DRC1: variants seen among roughly 807,000 people sequenced by gnomAD.
The protein encoded by DRC1 is dynein regulatory complex protein 1.
Under a neutral mutation model 98.7 loss-of-function variants are expected in DRC1, and 74 were observed. That is an observed-to-expected ratio of 0.75 (90% CI 0.62 to 0.91). The LOEUF (loss-of-function observed/expected upper bound fraction) is 0.91. Among genes scored for constraint, DRC1 ranks in the 40% least tolerant of loss-of-function variants. DRC1 has a pLI of 0.00. For synonymous variants in DRC1, 336 were observed against 334.1 expected, an observed-to-expected ratio of 1.01 and a Z score of -0.06; for missense variants, 875 against 886.0, an observed-to-expected ratio of 0.99 and a Z score of 0.16.
chr2:26,455,795 T>C (rs1008563468), intron 16 of DRC1, among the ~76,000 whole-genome samples: 2 of 152,202 alleles, frequency 1.3e-5, no homozygotes, highest in Non-Finnish European at 2.9e-5. Flanking sequence ...TGCCCAACCC[T>C]GCAATAGTTG....
intron 3 of DRC1, among the ~76,000 whole-genome samples, chr2:26,423,336 G>T (rs183210248): frequency 6.6e-6 from 1 of 152,248 alleles, no homozygotes; most frequent in East Asian, 1.9e-4. Context: ...AGGTGGGGTG[G>T]GTGGGGGATG....
chr2:26,445,523 T>C (rs926909358), intron 10 of DRC1, among the ~76,000 whole-genome samples: 2 of 152,194 alleles, frequency 1.3e-5, no homozygotes, highest in African/African-American at 4.8e-5. Context: ...AATGCATGAG[T>C]TTAAACAAAT....
chr2:26,405,907 G>A (rs1334577083), intron 1 of DRC1, among the ~76,000 whole-genome samples: 1 of 151,996 alleles, frequency 6.6e-6, no homozygotes, highest in Admixed American at 6.6e-5. Context: ...CAATCCACCT[G>A]CCTCAGCCTC....
intron 4 of DRC1, among the ~76,000 whole-genome samples, chr2:26,428,614 C>T (rs555877383): frequency 3.9e-5 from 6 of 152,088 alleles, no homozygotes; most frequent in East Asian, 3.9e-4. Context: ...CTGGCTAACA[C>T]GGTGAAACCC....
chr2:26,443,401 C>G (rs1663767496), intron 8 of DRC1, among the ~76,000 whole-genome samples: 1 of 152,188 alleles, frequency 6.6e-6, no homozygotes, highest in East Asian at 1.9e-4. Flanking sequence ...CTGTGCCGTG[C>G]CTGGATTCAC....
intron 6 of DRC1, 42 bp downstream of exon 6, chr2:26,430,914 G>A (rs1284094840): frequency 2.0e-6 from 3 of 1,506,584 alleles, no homozygotes; most frequent in African/African-American, 2.8e-5. Context: ...TGGGGTCTGG[G>A]TGATTTTTAT....
At chr2:26,418,717 TATATAAATTATATTTAATTTA>T (rs1678935608) in intron 2 of DRC1, among the ~76,000 whole-genome samples, 1 of 99,110 alleles carries the variant, frequency 1.0e-5, no homozygotes, top group African/African-American at 4.2e-5. Flanking sequence ...ATTTATATAA[TATATAAATTATATTTAATTTA>T]TATATAATAT....
intron 8 of DRC1, 152 bp downstream of exon 8, chr2:26,440,669 C>T (rs901475413): frequency 1.9e-5 from 20 of 1,049,974 alleles, no homozygotes; most frequent in Non-Finnish European, 5.1e-6. Context: ...TACATTCAAT[C>T]TCTCCCCAAG....
rs566355846 is a variant in DRC1, at chr2:26,419,184, C to T, written c.244-2104C>T. 6.6e-5 allele frequency among the ~76,000 whole-genome samples: 10 copies of T among 152,034 alleles called. No individual in the cohort carries two copies. In the South Asian group the frequency reaches 1.7e-3, roughly 25 times the overall value. On this transcript the variant is annotated intron_variant, in intron 2 of 16. Transcript: ENST00000288710. ...GATTACAGGTGTGAGCCACCATGCC[C>T]GGCTGAATGTTTTATTTAACAATTT...
rs1409005878 is a variant in DRC1 at position 26,429,685 on chromosome 2, A to G, written c.598A>G (p.Ile200Val). The G allele has an allele frequency of 1.2e-6, 2 of 1,614,106 alleles. No individual in the cohort carries two copies. The highest frequency in any genetic ancestry group is 1.7e-6 in the Non-Finnish European group (2 of 1,180,050). Residue 200 changes from isoleucine to valine, a missense_variant, in exon 5 of 17, where the codon ATC becomes GTC. Transcript: ENST00000288710. ...GGATTTGAAGAAACAGTCAGATGAC[A>G]TCTGCCTGCTTCTGGAGCGGATGGA... The part of the protein sequence containing the change: ...VKDLKKQSDD[I>V]CLLLERMEEQ...
intron 2 of DRC1, among the ~76,000 whole-genome samples, chr2:26,415,935 CAAAAAAA>C (rs59566642): frequency 1.0e-4 from 10 of 98,372 alleles, no homozygotes; most frequent in East Asian, 6.4e-4. Flanking sequence ...CTTTCTCTTT[CAAAAAAA>C]AAAAAAAAAA....
intron 4 of DRC1, 123 bp from the exon 5 acceptor site, chr2:26,429,505 C>A: frequency 7.6e-7 from 1 of 1,312,324 alleles, no homozygotes; most frequent in Non-Finnish European, 1.0e-6. Context: ...TGTGCGCAGC[C>A]CTCTTTGTAC....
intron 2 of DRC1, among the ~76,000 whole-genome samples, chr2:26,416,435 C>T (rs902082469): frequency 6.6e-6 from 1 of 152,090 alleles, no homozygotes; most frequent in Admixed American, 6.6e-5. Context: ...CCACCGTGCC[C>T]GGCCTTACCA....
At chr2:26,405,583 A>G (rs1678389843) in intron 1 of DRC1, among the ~76,000 whole-genome samples, 1 of 151,090 alleles carries the variant, frequency 6.6e-6, no homozygotes, top group Non-Finnish European at 1.5e-5. Flanking sequence ...TGGGCATTCA[A>G]TTATATTAAG....
chr2:26,425,067 T>TA (rs1180814192), intron 4 of DRC1, among the ~76,000 whole-genome samples: 1 of 152,218 alleles, frequency 6.6e-6, no homozygotes, highest in African/African-American at 2.4e-5. Context: ...CTATGCCCCT[T>TA]AGACACCAAT....
intron 4 of DRC1, among the ~76,000 whole-genome samples, chr2:26,428,067 T>C (rs922273638): frequency 1.3e-5 from 2 of 152,224 alleles, no homozygotes; most frequent in Non-Finnish European, 2.9e-5. Context: ...CTTTGCTGAA[T>C]TTAAGTTCTA....
intron 15 of DRC1, 65 bp from the exon 16 acceptor site, chr2:26,455,066 C>T: frequency 6.4e-7 from 1 of 1,569,040 alleles, no homozygotes; most frequent in Non-Finnish European, 8.8e-7. Context: ...CCACCAAGAC[C>T]CTGGCCCCTA....
intron 3 of DRC1, among the ~76,000 whole-genome samples, chr2:26,423,097 T>C (rs991750946): frequency 2.6e-5 from 4 of 152,072 alleles, no homozygotes; most frequent in African/African-American, 9.7e-5. Context: ...CCACTGCCTG[T>C]ATGGGCTGTG....
intron 7 of DRC1, among the ~76,000 whole-genome samples, chr2:26,436,445 G>A (rs942306272): frequency 7.9e-5 from 12 of 152,074 alleles, no homozygotes; most frequent in Admixed American, 2.0e-4. Context: ...CCGAATAGCT[G>A]GGACTACAGG....
Sources: gnomAD v4.1 joint callset for allele counts (sites outside exome capture counted in the v4.1 genomes callset) on GRCh38, gnomAD v4.1.1 for gene constraint, MANE v1.5 for transcripts, NCBI Gene and HGNC (gene_info 2026-07-23, HGNC 2026-07-21) for gene names.